The following PLCB2 variants were observed in gnomAD, a reference collection of about 807,000 sequenced individuals.
The protein encoded by PLCB2 is phospholipase C beta 2, also known as 1-phosphatidylinositol 4,5-bisphosphate phosphodiesterase beta-2.
PLCB2 carries 115 observed loss-of-function variants against 141.7 expected under a neutral mutation model. The ratio of observed to expected loss-of-function variants is 0.81; its 90% CI spans 0.70 to 0.95. The LOEUF (loss-of-function observed/expected upper bound fraction) is 0.95. PLCB2 is among the 40% of genes least tolerant of loss of function. The probability of loss-of-function intolerance (pLI) is 0.00; values close to 1 mark genes in which losing one functional copy is unlikely to be tolerated. For missense variants in PLCB2, 1,403 were observed against 1,541.1 expected, an observed-to-expected ratio of 0.91 and a Z score of 1.50; for synonymous variants, 603 against 595.6, an observed-to-expected ratio of 1.01 and a Z score of -0.18.
intron 16 of PLCB2, among the ~76,000 whole-genome samples, chr15:40,295,986 G>A (rs1410315953): frequency 1.3e-5 from 2 of 152,186 alleles, no homozygotes; most frequent in East Asian, 1.9e-4. Flanking sequence ...CCCACGGCCA[G>A]GGCTTCTGGG....
In PLCB2 at chr15:40,298,567, A is replaced by G. The variant is rs1257218592; in HGVS notation, c.992T>C (p.Leu331Pro). ...YFINSSHNTY[L>P]TAGQFSGLSS... is the part of the protein sequence containing the mutation. The stretch of plus-strand genomic sequence containing the variant: ...CCAATGTTATCAGGGCCCACCTGTC[A>G]GGTAGGTGTTGTGGGACGAGTTGAT... The change falls in exon 10 of 32, where the codon CTG becomes CCG. Residue 331 changes from leucine to proline, a missense_variant. By Grantham distance (98) the Leu-to-Pro change is moderately conservative. Around this residue, in one of 4 missense-constraint regions of PLCB2, gnomAD observed 975 missense variants for 1,141.1 expected, o/e 0.85. Coordinates refer to ENST00000260402, the MANE Select transcript of PLCB2 (RefSeq NM_004573.3). 2 of 1,614,108 alleles carry G rather than the reference A, an allele frequency of 1.2e-6. No homozygotes were observed. The highest frequency in any genetic ancestry group is 8.5e-7 in the Non-Finnish European group (1 of 1,180,048).
chr15:40,285,225 G>T (rs756007129), downstream of PLCB2, among the ~76,000 whole-genome samples: 1 of 152,186 alleles, frequency 6.6e-6, no homozygotes, highest in Non-Finnish European at 1.5e-5. Context: ...CATCCACTAC[G>T]AAGCCCCCCT....
chr15:40,306,400 C>T (rs1277369890), intron 1 of PLCB2, among the ~76,000 whole-genome samples: 1 of 152,146 alleles, frequency 6.6e-6, no homozygotes, highest in East Asian at 1.9e-4. Context: ...CCGCTGGCCA[C>T]CAACCCCCGA....
intron 18 of PLCB2, 82 bp downstream of exon 18, chr15:40,294,854 G>T (rs1448971775): frequency 1.3e-6 from 2 of 1,573,102 alleles, no homozygotes; most frequent in Non-Finnish European, 1.7e-6. Context: ...TCCCCAGCCT[G>T]TTCCAAAGAC....
intron 25 of PLCB2, 55 bp from the exon 26 acceptor site, chr15:40,291,542 C>G: frequency 6.2e-7 from 1 of 1,608,078 alleles, no homozygotes; most frequent in Non-Finnish European, 8.5e-7. Flanking sequence ...CCCGTCCAAC[C>G]CCCAAGGAGC....
intron 30 of PLCB2, 85 bp downstream of exon 30, chr15:40,289,937 GAGA>G: frequency 2.3e-5 from 1 of 44,212 alleles, no homozygotes. Flanking sequence ...AAGAGAGAGA[GAGA>G]GAGAGAGAGA....
intron 30 of PLCB2, chr15:40,289,699 C>T (rs962375408): frequency 1.9e-6 from 1 of 513,858 alleles, no homozygotes; most frequent in African/African-American, 1.9e-5. Context: ...CATCCCCTGA[C>T]CCTCGCCAGT....
In PLCB2 at chr15:40,307,666, G is replaced by A; in HGVS notation, c.7C>T (p.Leu3=). The A allele has an allele frequency of 1.3e-6, 2 of 1,563,060 alleles. No homozygotes were observed. The highest frequency in any genetic ancestry group is 1.7e-6 in the Non-Finnish European group (2 of 1,152,038). MS[L]LNPVLLPPKV... is the part of the protein sequence containing the mutation. ...GGGGGCAGCAGGACAGGGTTGAGCA[G>A]AGACATGGTGCCAAGCGTTCCTCTT... The change falls in exon 1 of 32, where the codon CTG becomes TTG. Residue 3 remains leucine, a synonymous_variant. Transcript: ENST00000260402.
rs78521206 is a variant in PLCB2 at position 40,299,600 on chromosome 15, T to C, written c.583-372A>G. Among the ~76,000 whole-genome samples the C allele has an allele frequency of 7.0e-3, 1,067 of 152,164 alleles. 11 individuals carry two copies. The highest frequency in any genetic ancestry group is 0.056 in the East Asian group (289 of 5,182). ...AAGAAGCAATTTGAATATAAACATA[T>C]ATGCACCTAACAACAGAACCCCATA... On this transcript the variant is annotated intron_variant, in intron 7 of 31. Transcript: ENST00000260402.
At position 40,302,124 on chromosome 15, in the gene PLCB2, T is replaced by C; in HGVS notation, c.506+12A>G. 6.2e-7 allele frequency: 1 copy of C among 1,611,814 alleles called. No homozygotes were observed. Among genetic ancestry groups the C allele is most frequent in the Non-Finnish European group, 8.5e-7 (1 of 1,178,612 alleles). On this transcript the variant is annotated intron_variant, in intron 6 of 31. Transcript: ENST00000260402. ...AGCCCCTGGAAGCCTGGGGAGGGGT[T>C]GGGGGGCTCACTTCTTCACCGGAAT...
intron 9 of PLCB2, 32 bp downstream of exon 9, chr15:40,298,766 C>T (rs746910384): frequency 6.2e-7 from 1 of 1,611,080 alleles, no homozygotes; most frequent in South Asian, 1.1e-5. Flanking sequence ...AGGACAGGAC[C>T]ACAGGGGACA....
intron 7 of PLCB2, 134 bp downstream of exon 7, chr15:40,301,823 G>A: frequency 1.3e-6 from 1 of 779,560 alleles, no homozygotes; most frequent in Non-Finnish European, 2.2e-6. Flanking sequence ...GCAGCTCCAG[G>A]GTTGATTGGC....
At chr15:40,300,370 G>T (rs184257728) in intron 7 of PLCB2, among the ~76,000 whole-genome samples, 15 of 152,148 alleles carry the variant, frequency 9.9e-5, no homozygotes, top group African/African-American at 3.6e-4. Context: ...ACAGTTTGGC[G>T]GTTTCTCAAA....
intron 24 of PLCB2, 61 bp from the exon 25 acceptor site, chr15:40,291,711 T>A: frequency 6.2e-7 from 1 of 1,606,242 alleles, no homozygotes. Context: ...TCCGTTCGCC[T>A]CCTCCACACC....
intron 7 of PLCB2, among the ~76,000 whole-genome samples, chr15:40,299,757 G>A (rs1220159471): frequency 6.6e-6 from 1 of 152,110 alleles, no homozygotes; most frequent in African/African-American, 2.4e-5. Flanking sequence ...TGCTTCAAAG[G>A]ACACCATCAA....
At chr15:40,303,889 G>A in intron 2 of PLCB2, 112 bp downstream of exon 2, 2 of 732,132 alleles carry the variant, frequency 2.7e-6, no homozygotes, top group South Asian at 1.7e-5. Context: ...CACCCTTCCA[G>A]GCCATTCTGT....
intron 1 of PLCB2, among the ~76,000 whole-genome samples, chr15:40,306,585 G>A (rs2040808135): frequency 1.3e-5 from 2 of 152,214 alleles, no homozygotes; most frequent in South Asian, 2.1e-4. Flanking sequence ...CACTCCTAGG[G>A]AAGCAGGAAG....
chr15:40,304,920 C>G (rs1415416629), intron 1 of PLCB2, among the ~76,000 whole-genome samples: 1 of 152,188 alleles, frequency 6.6e-6, no homozygotes, highest in Non-Finnish European at 1.5e-5. Context: ...AGGTTTCCAG[C>G]AAGGCACAAT....
chr15:40,290,893 CG>C, intron 27 of PLCB2, 56 bp from the exon 28 acceptor site: 5 of 780,310 alleles, frequency 6.4e-6, no homozygotes, highest in Non-Finnish European at 3.9e-6. Flanking sequence ...AGAGGGAGTA[CG>C]GGGGGCGGGG....
Sources: allele counts gnomAD v4.1 joint callset (sites outside exome capture counted in the v4.1 genomes callset), GRCh38; gene constraint gnomAD v4.1.1; regional missense constraint gnomAD v4.1.1; transcripts MANE v1.5; gene names NCBI Gene and HGNC (gene_info 2026-07-23, HGNC 2026-07-21).